Variants in RBM6 observed in about 807,000 individuals in gnomAD.
The protein encoded by RBM6 is RNA-binding protein 6.
A neutral mutation model predicts 140.4 loss-of-function variants in RBM6; 23 were observed. That is an observed-to-expected ratio of 0.16 (90% confidence interval 0.12 to 0.23). The LOEUF (loss-of-function observed/expected upper bound fraction) is 0.23. Ranked by LOEUF, RBM6 falls within the 10% of genes least tolerant of loss-of-function variation. RBM6 has a pLI of 1.00. For missense variants in RBM6, 1,139 were observed against 1,386.7 expected (o/e 0.82, Z 2.84); for synonymous variants, 439 against 475.6 (o/e 0.92, Z 1.00).
At chr3:50,069,189 G>A (rs1313572535) in intron 18 of RBM6, among the ~76,000 whole-genome samples, 1 of 152,086 alleles carries the variant, frequency 6.6e-6, no homozygotes, top group East Asian at 1.9e-4. Context: ...CCAGTCATAG[G>A]CTTCACTGGC....
chr3:49,956,952 A>G (rs1183141153), intron 1 of RBM6, among the ~76,000 whole-genome samples: 1 of 152,198 alleles, frequency 6.6e-6, no homozygotes. Context: ...GGCGTAAGCC[A>G]CCAGGCCTGG....
intron 6 of RBM6, among the ~76,000 whole-genome samples, chr3:50,033,619 T>C (rs1255149493): frequency 6.6e-6 from 1 of 152,286 alleles, no homozygotes; most frequent in Admixed American, 6.5e-5. Flanking sequence ...GACCATGTTT[T>C]GCCTGAGCAG....
intron 1 of RBM6, among the ~76,000 whole-genome samples, chr3:49,946,998 CTA>C (rs1203846464): frequency 6.8e-6 from 1 of 146,764 alleles, no homozygotes; most frequent in Non-Finnish European, 1.5e-5. Flanking sequence ...GGAGAAGTAT[CTA>C]TTCATGTCTT....
At chr3:50,018,836 A>T (rs1575708174) in intron 6 of RBM6, among the ~76,000 whole-genome samples, 1 of 151,532 alleles carries the variant, frequency 6.6e-6, no homozygotes, top group Non-Finnish European at 1.5e-5. Context: ...TGATTCGTCC[A>T]CCTCGGCCTC....
rs145336729 is a variant in RBM6 at position 49,946,681 on chromosome 3, G to A, written c.-67+6456G>A. ...CTCCCGGGTAGCTGGGATTACAGGC[G>A]TGTGCCACCACGCCTGGCTAATTTT... On this transcript the variant is annotated intron_variant, in intron 1 of 20. Coordinates refer to ENST00000266022, the MANE Select transcript of RBM6 (RefSeq NM_005777.3). 5.7e-3 allele frequency among the ~76,000 whole-genome samples: 863 copies of A among 151,754 alleles called. 11 individuals are homozygous for A. The highest frequency in any genetic ancestry group is 0.019 in the African/African-American group (780 of 41,374).
intron 1 of RBM6, among the ~76,000 whole-genome samples, chr3:49,953,454 G>A (rs900942823): frequency 1.3e-5 from 2 of 151,208 alleles, no homozygotes; most frequent in East Asian, 2.0e-4. Flanking sequence ...TCTTGACCTC[G>A]TGATCTGCCC....
chr3:49,982,838 C>T (rs1463400387), intron 5 of RBM6, among the ~76,000 whole-genome samples: 1 of 151,792 alleles, frequency 6.6e-6, no homozygotes, highest in Admixed American at 6.6e-5. Flanking sequence ...CTCAGCCTCC[C>T]TAGTAGCTGG....
chr3:49,948,497 C>A (rs1011807764), intron 1 of RBM6, among the ~76,000 whole-genome samples: 1 of 151,950 alleles, frequency 6.6e-6, no homozygotes. Flanking sequence ...GAGGCCGAGG[C>A]AGGTCAAGAG....
At chr3:50,018,066 C>G (rs1460543330) in intron 6 of RBM6, among the ~76,000 whole-genome samples, 2 of 152,310 alleles carry the variant, frequency 1.3e-5, no homozygotes, top group East Asian at 3.9e-4. Context: ...CAAGGGTTCA[C>G]TCTGGGTGTT....
intron 1 of RBM6, among the ~76,000 whole-genome samples, chr3:49,958,288 G>T (rs944164992): frequency 6.7e-6 from 1 of 150,202 alleles, no homozygotes; most frequent in Non-Finnish European, 1.5e-5. Flanking sequence ...GGGTGCGGTG[G>T]CTCACGCCTG....
intron 6 of RBM6, among the ~76,000 whole-genome samples, chr3:50,030,286 TAAAAAAAAAAAAAA>T (rs57797585): frequency 3.9e-5 from 4 of 103,872 alleles, no homozygotes; most frequent in Admixed American, 1.1e-4. Context: ...CTTTTTGTCT[TAAAAAAAAAAAAAA>T]AAAAAAAAAA....
chr3:50,068,660 C>G (rs2090192933), intron 17 of RBM6, 30 bp from the exon 18 acceptor site: 4 of 1,603,338 alleles, frequency 2.5e-6, no homozygotes, highest in Non-Finnish European at 3.4e-6. Context: ...TTTCTTAGAC[C>G]TATACTCATA....
intron 6 of RBM6, among the ~76,000 whole-genome samples, chr3:50,005,750 T>C (rs1257136579): frequency 6.6e-6 from 1 of 152,162 alleles, no homozygotes; most frequent in African/African-American, 2.4e-5. Flanking sequence ...TTGAGGAGTA[T>C]CCAGCATCCT....
intron 1 of RBM6, among the ~76,000 whole-genome samples, chr3:49,950,636 T>G (rs754780844): frequency 7.2e-5 from 11 of 151,860 alleles, no homozygotes; most frequent in Non-Finnish European, 1.3e-4. Flanking sequence ...ATGCCTGTAA[T>G]CCCAGCTACT....
At chr3:49,943,540 T>C (rs1343617664) in intron 1 of RBM6, among the ~76,000 whole-genome samples, 1 of 152,124 alleles carries the variant, frequency 6.6e-6, no homozygotes, top group Admixed American at 6.6e-5. Context: ...AACTCCTGAG[T>C]TCAAGTGATC....
intron 2 of RBM6, chr3:49,962,921 C>G (rs1023458387): frequency 3.1e-6 from 1 of 322,302 alleles, no homozygotes; most frequent in Admixed American, 5.4e-5. Flanking sequence ...CACGGTGAAA[C>G]CCCGTCTCTA....
intron 20 of RBM6, among the ~76,000 whole-genome samples, chr3:50,076,547 C>T (rs1416518959): frequency 1.3e-5 from 2 of 151,340 alleles, no homozygotes; most frequent in African/African-American, 4.9e-5. Flanking sequence ...TTGATCGTGC[C>T]ACTGCACTCC....
chr3:50,054,749 T>C (rs1380200455), intron 8 of RBM6, among the ~76,000 whole-genome samples: 1 of 152,068 alleles, frequency 6.6e-6, no homozygotes, highest in African/African-American at 2.4e-5. Context: ...CTCCTGACCT[T>C]GTGACCCGAC....
intron 19 of RBM6, among the ~76,000 whole-genome samples, chr3:50,071,533 G>A (rs1014192249): frequency 1.3e-5 from 2 of 152,106 alleles, no homozygotes; most frequent in African/African-American, 4.8e-5. Context: ...AAAGGAGAGT[G>A]GCCTATAATC....
Sources: allele counts gnomAD v4.1 joint callset (sites outside exome capture counted in the v4.1 genomes callset), GRCh38; gene constraint gnomAD v4.1.1; transcripts MANE v1.5; gene names NCBI Gene and HGNC (gene_info 2026-07-23, HGNC 2026-07-21).